The following PAFAH1B2 variants were observed in gnomAD, a reference collection of about 807,000 sequenced individuals.
PAFAH1B2 encodes platelet-activating factor acetylhydrolase IB subunit alpha2.
A neutral mutation model predicts 28.0 loss-of-function variants in PAFAH1B2; 8 were observed. The observed-to-expected ratio is 0.29, with a 90% CI of 0.17 to 0.52. The LOEUF (loss-of-function observed/expected upper bound fraction) is 0.52, where lower values mean the gene tolerates loss of function less well. PAFAH1B2 is among the 20% of genes least tolerant of loss of function. The pLI is 0.97. For synonymous variants in PAFAH1B2, 104 were observed against 103.2 expected (o/e 1.01, Z -0.05); for missense variants, 190 against 282.6 (o/e 0.67, Z 2.35).
intron 3 of PAFAH1B2, among the ~76,000 whole-genome samples, chr11:117,160,593 A>AT (rs1424273611): frequency 6.6e-6 from 1 of 152,056 alleles, no homozygotes; most frequent in African/African-American, 2.4e-5. Flanking sequence ...AGTAGTTGGG[A>AT]TTATAGGCAT....
chr11:117,170,771 A>T lies in PAFAH1B2; in HGVS notation c.*3072A>T, dbSNP rs999482002. On this transcript the variant is annotated 3_prime_UTR_variant, in exon 6 of 6. Transcript: ENST00000527958. ...CAACTTTATATTTATTGCAGTGAAG[A>T]AGAAACTAAAAATATATGGAAATGA... 9.4e-7 allele frequency: 1 copy of T among 1,060,146 alleles called. No homozygotes were observed. Among genetic ancestry groups the T allele is most frequent in the African/African-American group, 1.6e-5 (1 of 60,694 alleles). 65.7% of individuals were successfully genotyped at this position (1,060,146 alleles called of 1,614,324 possible).
chr11:117,154,778 T>C (rs555170361), intron 2 of PAFAH1B2, among the ~76,000 whole-genome samples: 1 of 152,030 alleles, frequency 6.6e-6, no homozygotes, highest in African/African-American at 2.4e-5. Flanking sequence ...ACTGAAATAT[T>C]TATACTTGGA....
chr11:117,161,802 C>T (rs1318797238), intron 4 of PAFAH1B2, among the ~76,000 whole-genome samples: 1 of 152,074 alleles, frequency 6.6e-6, no homozygotes, highest in East Asian at 1.9e-4. Context: ...AGCCACCGCG[C>T]CTGGCTGAAG....
intron 2 of PAFAH1B2, among the ~76,000 whole-genome samples, chr11:117,153,725 G>A (rs956914957): frequency 5.9e-5 from 9 of 152,064 alleles, no homozygotes; most frequent in Admixed American, 3.9e-4. Flanking sequence ...ATATACTAAC[G>A]TAGTGGGTTT....
intron 5 of PAFAH1B2, among the ~76,000 whole-genome samples, chr11:117,166,508 A>T (rs1468856710): frequency 2.6e-5 from 4 of 152,248 alleles, no homozygotes; most frequent in Admixed American, 2.6e-4. Flanking sequence ...GATAGCAGTA[A>T]TCACATTACA....
chr11:117,162,605 T>TA (rs1186205305), intron 4 of PAFAH1B2, among the ~76,000 whole-genome samples: 5,383 of 124,530 alleles, frequency 0.043, 136 homozygotes, highest in Non-Finnish European at 0.046. Context: ...TCTCTAGATT[T>TA]AAAAAAAAAA....
downstream of PAFAH1B2, among the ~76,000 whole-genome samples, chr11:117,172,423 T>A (rs369973147): frequency 1.1e-5 from 1 of 92,776 alleles, no homozygotes; most frequent in Admixed American, 1.3e-4. Flanking sequence ...TTTTTTTTTT[T>A]TTTTTTACAT....
rs1956540916 is a variant in PAFAH1B2 at position 117,167,556 on chromosome 11, G to A, written c.547G>A (p.Asp183Asn). The A allele has an allele frequency of 1.2e-6, 2 of 1,613,118 alleles. No individual in the cohort carries two copies. The highest frequency in any genetic ancestry group is 8.5e-7 in the Non-Finnish European group (1 of 1,179,542). Residue 183 changes from aspartate to asparagine, a missense_variant, in exon 6 of 6, where the codon GAC (aspartate) becomes AAC (asparagine). Asp to Asn is a conservative substitution (Grantham distance 23). Transcript: ENST00000527958. ...LDTDGGFVHS[D>N]GAISCHDMFD... Reference sequence around the variant, plus strand: ...TACCGACGGGGGTTTTGTGCACTCGGACGGTGCCATCTCCTGCCACGACAT... The same window carrying A: ...TACCGACGGGGGTTTTGTGCACTCGAACGGTGCCATCTCCTGCCACGACAT...
intron 5 of PAFAH1B2, among the ~76,000 whole-genome samples, chr11:117,165,365 A>T (rs1421246595): frequency 1.4e-5 from 2 of 145,330 alleles, no homozygotes; most frequent in East Asian, 4.0e-4. Context: ...AAAAAAAAAA[A>T]TGTCTAGCTG....
intron 2 of PAFAH1B2, among the ~76,000 whole-genome samples, chr11:117,155,658 A>C (rs2127905): frequency 0.86 from 130,381 of 152,044 alleles, 56,529 homozygotes; most frequent in African/African-American, 0.9. Context: ...ATACTGATTT[A>C]TTTTGACTAA....
At chr11:117,144,747 C>CCCTGCCCT (rs1555026674) in intron 1 of PAFAH1B2, among the ~76,000 whole-genome samples, 6 of 151,926 alleles carry the variant, frequency 3.9e-5, no homozygotes, top group African/African-American at 9.7e-5. Flanking sequence ...CGCCCCGCCC[C>CCCTGCCCT]GCCCTGCCCT....
rs1956615174 is a variant in PAFAH1B2 at position 117,170,120 on chromosome 11, T to C, written c.*2421T>C. ...TTTTGCCAGATTTCTTTGCACTACT[T>C]TAGGTAAAAATAGTTAATCTATTTT... is the stretch of plus-strand genomic sequence containing the variant. On this transcript the variant is annotated 3_prime_UTR_variant, in exon 6 of 6. Transcript: ENST00000527958. The C allele has an allele frequency of 2.8e-6, 3 of 1,054,900 alleles. No homozygotes were observed. In the South Asian group the frequency reaches 1.4e-4, roughly 48 times the overall value. 65.3% of individuals were successfully genotyped at this position (1,054,900 alleles called of 1,614,324 possible).
downstream of PAFAH1B2, among the ~76,000 whole-genome samples, chr11:117,173,938 CAGAA>C (rs1339725618): frequency 6.6e-6 from 1 of 152,136 alleles, no homozygotes; most frequent in Non-Finnish European, 1.5e-5. Context: ...ACAGTGAAAA[CAGAA>C]AGCTTCAGGT....
rs1565274084 is a variant in PAFAH1B2 at position 117,167,462 on chromosome 11, A to G, written c.453A>G (p.Gln151=). The change falls in exon 6 of 6, where the codon CAA becomes CAG. Residue 151 remains glutamine, a synonymous_variant. Transcript: ENST00000527958. ...GTGAGAAACCCAATCCTTTGAGGCA[A>G]AAGAACGCCAAGGTGAACCAACTCC... ...PRGEKPNPLR[Q]KNAKVNQLLK... The G allele has an allele frequency of 6.3e-7, 1 of 1,599,508 alleles. No homozygotes were observed. Among genetic ancestry groups the G allele is most frequent in the African/African-American group, 1.3e-5 (1 of 74,902 alleles).
rs1956541982 is a variant in PAFAH1B2 at position 117,167,621 on chromosome 11, G to A, written c.612G>A (p.Lys204=). 2 of 1,610,818 alleles carry A rather than the reference G, an allele frequency of 1.2e-6. No individual in the cohort carries two copies. The highest frequency in any genetic ancestry group is 1.3e-5 in the African/African-American group (1 of 75,008). The change falls in exon 6 of 6, where the codon AAG becomes AAA. Residue 204 remains lysine (K), a synonymous_variant. Coordinates refer to ENST00000527958, the MANE Select transcript of PAFAH1B2 (RefSeq NM_002572.4). ...FLHLTGGGYA[K]ICKPLHELIM... Reference sequence around the variant, plus strand: ...ATCTGACAGGAGGGGGCTATGCAAAGATCTGCAAACCCCTGCATGAACTGA... The same window carrying A: ...ATCTGACAGGAGGGGGCTATGCAAAAATCTGCAAACCCCTGCATGAACTGA...
At chr11:117,145,348 G>C (rs1217006957) in intron 1 of PAFAH1B2, among the ~76,000 whole-genome samples, 1 of 152,090 alleles carries the variant, frequency 6.6e-6, no homozygotes, top group African/African-American at 2.4e-5. Context: ...CGGAGCTTTC[G>C]CCTCTTTGTA....
chr11:117,150,602 CT>C (rs1956126538), intron 1 of PAFAH1B2, among the ~76,000 whole-genome samples: 1 of 151,982 alleles, frequency 6.6e-6, no homozygotes, highest in Non-Finnish European at 1.5e-5. Context: ...GGGCTTGGTA[CT>C]TGGTGATTCT....
chr11:117,149,231 C>T (rs183192520), intron 1 of PAFAH1B2, among the ~76,000 whole-genome samples: 19 of 124,314 alleles, frequency 1.5e-4, no homozygotes, highest in Non-Finnish European at 2.5e-4. Context: ...ACTGCAGGCA[C>T]TACCATGCCA....
intron 5 of PAFAH1B2, 25 bp downstream of exon 5, chr11:117,163,917 A>G: frequency 6.2e-7 from 1 of 1,610,296 alleles, no homozygotes; most frequent in Non-Finnish European, 8.5e-7. Flanking sequence ...GTGGGTAGAG[A>G]GTTTGTTATC....
Sources: gnomAD v4.1 joint callset for allele counts (sites outside exome capture counted in the v4.1 genomes callset) on GRCh38, gnomAD v4.1.1 for gene constraint, MANE v1.5 for transcripts, NCBI Gene and HGNC (gene_info 2026-07-23, HGNC 2026-07-21) for gene names.